The following PHACTR2 variants were observed in gnomAD, a reference collection of about 807,000 sequenced individuals.
PHACTR2 encodes the protein phosphatase and actin regulator 2, also known as chromosome 6 open reading frame 56.
PHACTR2 carries 30 observed loss-of-function variants against 76.0 expected under a neutral mutation model. That is an observed-to-expected ratio of 0.39 (90% confidence interval 0.30 to 0.54). The LOEUF (loss-of-function observed/expected upper bound fraction) is 0.54, where lower values mean the gene tolerates loss of function less well. Ranked by LOEUF, PHACTR2 falls within the 20% of genes least tolerant of loss-of-function variation. PHACTR2 has a pLI of 0.61. For synonymous variants in PHACTR2, 292 were observed against 292.5 expected, an observed-to-expected ratio of 1.00 and a Z score of 0.02; for missense variants, 696 against 781.1, an observed-to-expected ratio of 0.89 and a Z score of 1.30.
In PHACTR2 at chr6:143,536,971, G is replaced by C. The variant is rs1196514022; in HGVS notation, c.-20G>C. ...CGGCGCCGGCCCCACCCGGTGCTCCGGCCCCGCCGCCGGGAGCCGATGGCC... is the reference window on the plus strand; with the variant it reads ...CGGCGCCGGCCCCACCCGGTGCTCCCGCCCCGCCGCCGGGAGCCGATGGCC... On this transcript the variant is annotated 5_prime_UTR_variant, in exon 1 of 12. Coordinates refer to the PHACTR2 transcript ENST00000367584. This position sits in a 1 kb window ranked among gnomAD's most constrained non-coding sequence, Gnocchi z 5.4. 1 of 154,906 alleles carries C rather than the reference G, an allele frequency of 6.5e-6. No individual in the cohort carries two copies. The highest frequency in any genetic ancestry group is 1.4e-5 in the Non-Finnish European group (1 of 71,020). 9.6% of individuals were successfully genotyped at this position (154,906 alleles called of 1,614,324 possible).
Position 143,561,083 on chromosome 6 carries a change from C to T in PHACTR2, c.217+23876C>T, listed in dbSNP as rs1775265411. The T allele has an allele frequency of 6.5e-6, 1 of 153,016 alleles. No homozygotes were observed. Among genetic ancestry groups the T allele is most frequent in the South Asian group, 2.1e-4 (1 of 4,836 alleles). The allele number at this position is 153,016 out of a possible 1,614,324, so 9.5% of individuals were successfully genotyped here. A position where few individuals can be genotyped will look rare whatever the true frequency, so the allele number is the denominator to read the frequency against. Reference sequence around the variant, plus strand: ...ATTAGTCTTAGGACAAGATAGGCTTCACTGGCTGCCAGCCTGGGCCAGGCC... The same window carrying T: ...ATTAGTCTTAGGACAAGATAGGCTTTACTGGCTGCCAGCCTGGGCCAGGCC... On this transcript the variant is annotated intron_variant, in intron 1 of 11. Coordinates refer to the PHACTR2 transcript ENST00000367584. The surrounding 1 kb of genome is among the most constrained non-coding windows in gnomAD (Gnocchi z 4.1).
At chr6:143,781,783 A>C (rs1332385803) in intron 9 of PHACTR2, among the ~76,000 whole-genome samples, 1 of 152,250 alleles carries the variant, frequency 6.6e-6, no homozygotes, top group Non-Finnish European at 1.5e-5. Context: ...ACCCTAGAGT[A>C]CTTTCATAGG....
rs566323370 is a variant in PHACTR2 at position 143,553,124 on chromosome 6, C to G, written c.217+15917C>G. On this transcript the variant is annotated intron_variant, in intron 1 of 11. Coordinates refer to the PHACTR2 transcript ENST00000367584. The surrounding 1 kb of genome is among the most constrained non-coding windows in gnomAD (Gnocchi z 4.2). ...AACCCATGCACCACTCTTGACCCAT[C>G]AACAAGGTTCAGCAAGTATTTACTG... Among the ~76,000 whole-genome samples the G allele has an allele frequency of 3.9e-5, 6 of 152,272 alleles. No individual in the cohort carries two copies. In the East Asian group the frequency reaches 9.7e-4, roughly 25 times the overall value.
chr6:143,747,920 A>G (rs568573644), intron 2 of PHACTR2, among the ~76,000 whole-genome samples: 1 of 152,222 alleles, frequency 6.6e-6, no homozygotes, highest in East Asian at 1.9e-4. Context: ...TACTATACAC[A>G]CTCAAGGGGA....
Position 143,730,574 on chromosome 6 carries a change from T to C in PHACTR2, c.214+18391T>C, listed in dbSNP as rs1778677496. Among the ~76,000 whole-genome samples the C allele has an allele frequency of 1.3e-5, 2 of 152,350 alleles. No homozygotes were observed. Among genetic ancestry groups the C allele is most frequent in the Admixed American group, 6.5e-5 (1 of 15,308 alleles). On this transcript the variant is annotated intron_variant, in intron 2 of 12. Transcript: ENST00000440869. The surrounding 1 kb of genome is among the most constrained non-coding windows in gnomAD (Gnocchi z 4.8). Reference sequence around the variant, plus strand: ...CAATTATGTCATCTGTGAATGGGAATCATTTTATTTCTTCCATTCTAACCT... The same window carrying C: ...CAATTATGTCATCTGTGAATGGGAACCATTTTATTTCTTCCATTCTAACCT...
rs575588671 is a variant in PHACTR2 at position 143,647,759 on chromosome 6, G to GC, written c.13+39442dup. The stretch of plus-strand genomic sequence containing the variant: ...GTACAGAAAGAACAGCAAGTGCACA[G>GC]CCCCCTGTGCTGGGAATAGGCTTGT... On this transcript the variant is annotated intron_variant, in intron 1 of 11. Coordinates refer to the PHACTR2 transcript ENST00000305766. The surrounding 1 kb of genome is among the most constrained non-coding windows in gnomAD (Gnocchi z 4.2). Among the ~76,000 whole-genome samples the GC allele has an allele frequency of 1.3e-3, 194 of 152,288 alleles. No homozygotes were observed. The highest frequency in any genetic ancestry group is 4.5e-3 in the African/African-American group (187 of 41,554).
In PHACTR2 at chr6:143,698,207, A is replaced by T. The variant is rs2128457723; in HGVS notation, c.47-13809A>T. 6.6e-6 allele frequency among the ~76,000 whole-genome samples: 1 copy of T among 152,322 alleles called. No homozygotes were observed. The highest frequency in any genetic ancestry group is 2.4e-5 in the African/African-American group (1 of 41,586). On this transcript the variant is annotated intron_variant, in intron 1 of 12. Transcript: ENST00000440869. The surrounding 1 kb of genome is among the most constrained non-coding windows in gnomAD (Gnocchi z 4.3). Reference sequence around the variant, plus strand: ...GAGGCTTTCTGTGTGTGTTTTATCCAAATCCTGCTGGAGCAACTCATTCTC... The same window carrying T: ...GAGGCTTTCTGTGTGTGTTTTATCCTAATCCTGCTGGAGCAACTCATTCTC...
intron 1 of PHACTR2, among the ~76,000 whole-genome samples, chr6:143,686,782 C>T (rs1419660880): frequency 1.3e-5 from 2 of 152,016 alleles, no homozygotes; most frequent in African/African-American, 2.4e-5. Flanking sequence ...ACTGCGCCCA[C>T]CCAGGAACTT....
At chr6:143,736,600 AGC>A (rs1457803134) in intron 2 of PHACTR2, among the ~76,000 whole-genome samples, 2 of 90,934 alleles carry the variant, frequency 2.2e-5, no homozygotes, top group Non-Finnish European at 3.9e-5. Flanking sequence ...TTTGAGACGG[AGC>A]CTTGCTCTGT....
Position 143,678,251 on chromosome 6 carries a change from G to T in PHACTR2, c.46+42G>T, listed in dbSNP as rs1281527635. The T allele has an allele frequency of 1.4e-6, 2 of 1,425,448 alleles. No homozygotes were observed. Among genetic ancestry groups the T allele is most frequent in the South Asian group, 3.1e-5 (2 of 65,462 alleles). The allele number at this position is 1,425,448 out of a possible 1,614,324, so 88.3% of individuals were successfully genotyped here. A position where few individuals can be genotyped will look rare whatever the true frequency, so the allele number is the denominator to read the frequency against. The stretch of plus-strand genomic sequence containing the variant: ...CGCGATGCGCTCCCGCCGCGCGGGC[G>T]CAGGGCTGGCGGCGGGGCCCCGGGG... On this transcript the variant is annotated intron_variant, in intron 1 of 12. Transcript: ENST00000440869. This position sits in a 1 kb window ranked among gnomAD's most constrained non-coding sequence, Gnocchi z 6.2.
At chr6:143,706,305 C>T (rs548438039) in intron 1 of PHACTR2, among the ~76,000 whole-genome samples, 3 of 152,294 alleles carry the variant, frequency 2.0e-5, no homozygotes, top group Non-Finnish European at 2.9e-5. Flanking sequence ...GTGCGTTGGG[C>T]GTGCTCATTG....
At chr6:143,737,478 G>C (rs1778847652) in intron 2 of PHACTR2, among the ~76,000 whole-genome samples, 1 of 151,868 alleles carries the variant, frequency 6.6e-6, no homozygotes, top group South Asian at 2.1e-4. Context: ...ATTATATATA[G>C]TATGTATTAA....
In PHACTR2 at chr6:143,767,698, C is replaced by T. The variant is rs1779589807; in HGVS notation, c.1232+1900C>T. Among the ~76,000 whole-genome samples, 1 of 152,298 alleles carries T rather than the reference C, an allele frequency of 6.6e-6. No individual in the cohort carries two copies. The highest frequency in any genetic ancestry group is 2.4e-5 in the African/African-American group (1 of 41,568). ...GTGGAAGGTGGAAGGGCAGAGAGCA[C>T]AACAGAGTGAACCTACCCCTGTGAG... On this transcript the variant is annotated intron_variant, in intron 6 of 12. Coordinates refer to ENST00000440869, the MANE Select transcript of PHACTR2 (RefSeq NM_001100164.2). The surrounding 1 kb of genome is among the most constrained non-coding windows in gnomAD (Gnocchi z 4.4).
rs1776544618 is a variant in PHACTR2, at chr6:143,827,065, A to C, written c.*3376A>C. 1 of 149,826 alleles carries C rather than the reference A, an allele frequency of 6.7e-6. No homozygotes were observed. Among genetic ancestry groups the C allele is most frequent in the Non-Finnish European group, 1.5e-5 (1 of 67,510 alleles). 9.3% of individuals were successfully genotyped at this position (149,826 alleles called of 1,614,324 possible). On this transcript the variant is annotated 3_prime_UTR_variant, in exon 13 of 13. Coordinates refer to ENST00000440869, the MANE Select transcript of PHACTR2 (RefSeq NM_001100164.2). ...CTTCAAAAGTCACCAAATACTGAAA[A>C]TAAGAGATGAGTCCTTAAAACCTGA...
intron 5 of PHACTR2, among the ~76,000 whole-genome samples, chr6:143,762,873 C>G (rs936610975): frequency 1.3e-5 from 2 of 151,902 alleles, no homozygotes; most frequent in Non-Finnish European, 2.9e-5. Context: ...TGAGGAGAGG[C>G]GACATTTTTT....
intron 11 of PHACTR2, among the ~76,000 whole-genome samples, chr6:143,804,737 C>G (rs1776028998): frequency 6.6e-6 from 1 of 152,136 alleles, no homozygotes; most frequent in Non-Finnish European, 1.5e-5. Flanking sequence ...AGTAGCCAAC[C>G]TACTATTGCA....
At chr6:143,584,523 G>C (rs1775604976) in intron 1 of PHACTR2, among the ~76,000 whole-genome samples, 1 of 152,170 alleles carries the variant, frequency 6.6e-6, no homozygotes, top group Admixed American at 6.5e-5. Flanking sequence ...CTTTACTGAT[G>C]GCATTCCCTG....
intron 6 of PHACTR2, among the ~76,000 whole-genome samples, chr6:143,768,427 G>C (rs910835343): frequency 6.6e-6 from 1 of 152,194 alleles, no homozygotes; most frequent in Non-Finnish European, 1.5e-5. Flanking sequence ...GAAGTATAAT[G>C]TTTAAGGTAA....
At position 143,800,157 on chromosome 6, in the gene PHACTR2, T is replaced by A. The variant is rs980376682; in HGVS notation, c.1846-6900T>A. Among the ~76,000 whole-genome samples, 1 of 152,220 alleles carries A rather than the reference T, an allele frequency of 6.6e-6. No individual in the cohort carries two copies. The highest frequency in any genetic ancestry group is 2.4e-5 in the African/African-American group (1 of 41,462). ...TAATGGCCTTCTTTGTCTCTTTTGA[T>A]CTTTGTTGGTTTAAAGTCTGTTTTA... On this transcript the variant is annotated intron_variant, in intron 11 of 12. Transcript: ENST00000440869. The surrounding 1 kb of genome is among the most constrained non-coding windows in gnomAD (Gnocchi z 4.8).
Sources: allele counts gnomAD v4.1 joint callset (sites outside exome capture counted in the v4.1 genomes callset), GRCh38; gene constraint gnomAD v4.1.1; non-coding constraint Gnocchi (gnomAD v3.1); transcripts MANE v1.5; gene names NCBI Gene and HGNC (gene_info 2026-07-23, HGNC 2026-07-21).